The following ERBB4 variants were observed in gnomAD, a reference collection of about 807,000 sequenced individuals.
ERBB4 encodes the protein erb-b2 receptor tyrosine kinase 4.
ERBB4 carries 42 observed loss-of-function variants against 158.0 expected under a neutral mutation model. The observed-to-expected ratio is 0.27, with a 90% CI of 0.21 to 0.34. The LOEUF (loss-of-function observed/expected upper bound fraction) is 0.34. Among genes scored for constraint, ERBB4 ranks in the 10% least tolerant of loss-of-function variants. ERBB4 has a pLI of 1.00. For missense variants in ERBB4, 1,333 were observed against 1,624.1 expected (o/e 0.82, Z 3.08); for synonymous variants, 583 against 558.7 (o/e 1.04, Z -0.61).
chr2:211,981,542 C>G (rs929037226), intron 2 of ERBB4, among the ~76,000 whole-genome samples: 3 of 152,194 alleles, frequency 2.0e-5, no homozygotes, highest in African/African-American at 7.2e-5. Context: ...TGCTATGCTG[C>G]AATGACACTG....
intron 3 of ERBB4, among the ~76,000 whole-genome samples, chr2:211,909,645 C>T (rs2079490604): frequency 1.3e-5 from 2 of 151,614 alleles, no homozygotes; most frequent in African/African-American, 2.4e-5. Flanking sequence ...GCACTTACCA[C>T]GAATGGAGTT....
chr2:211,379,940 G>C lies in ERBB4; in HGVS notation c.*3675C>G, dbSNP rs1300652035. On this transcript the variant is annotated 3_prime_UTR_variant, in exon 28 of 28. Coordinates refer to ENST00000342788, the MANE Select transcript of ERBB4 (RefSeq NM_005235.3). Reference sequence around the variant, plus strand: ...TCATCTAGTAGCAGAGCCTCACACAGTCCTTTTCTTGATTTTTCCTTAGCA... The same window carrying C: ...TCATCTAGTAGCAGAGCCTCACACACTCCTTTTCTTGATTTTTCCTTAGCA... 8.6e-6 allele frequency: 2 copies of C among 231,850 alleles called. No homozygotes were observed. Among genetic ancestry groups the C allele is most frequent in the African/African-American group, 4.4e-5 (2 of 45,186 alleles). The allele number at this position is 231,850 out of a possible 1,614,324, so 14.4% of individuals were successfully genotyped here.
chr2:211,776,552 C>G (rs932532240), intron 4 of ERBB4, among the ~76,000 whole-genome samples: 2 of 152,122 alleles, frequency 1.3e-5, no homozygotes, highest in Non-Finnish European at 2.9e-5. Flanking sequence ...AGGACAAAAC[C>G]TATCTGTTTA....
chr2:212,475,936 C>A (rs1309391803), intron 1 of ERBB4, among the ~76,000 whole-genome samples: 1 of 152,056 alleles, frequency 6.6e-6, no homozygotes. Context: ...GACTCTCTTG[C>A]CTTCCCCCAG....
chr2:212,184,969 C>T (rs1044374785), intron 1 of ERBB4, among the ~76,000 whole-genome samples: 1 of 151,866 alleles, frequency 6.6e-6, no homozygotes, highest in African/African-American at 2.4e-5. Context: ...CACATATACA[C>T]ACCACGCATA....
chr2:212,426,190 G>A (rs139001450), intron 1 of ERBB4: 2 of 464,492 alleles, frequency 4.3e-6, no homozygotes, highest in South Asian at 3.3e-5. Flanking sequence ...TTTATAGAAG[G>A]CTCCAAGCAA....
At position 212,267,598 on chromosome 2, in the gene ERBB4, T is replaced by TTTTTTTTTC. The variant is rs1553607807; in HGVS notation, c.83-142696_83-142695insGAAAAAAAA. Among the ~76,000 whole-genome samples the TTTTTTTTTC allele has an allele frequency of 4.0e-3, 544 of 134,744 alleles. 2 individuals carry two copies. The highest frequency in any genetic ancestry group is 0.023 in the Middle Eastern group (6 of 266). 88.4% of individuals were successfully genotyped at this position (134,744 alleles called of 152,430 possible). The stretch of plus-strand genomic sequence containing the variant: ...CCCTAAAAATCATAGTTCTCATTTC[T>TTTTTTTTTC]TTTTTTTTTTTTTATTATACTTTAA... On this transcript the variant is annotated intron_variant, in intron 1 of 27. Transcript: ENST00000342788.
chr2:212,269,103 T>C (rs1438855523), intron 1 of ERBB4, among the ~76,000 whole-genome samples: 1 of 151,852 alleles, frequency 6.6e-6, no homozygotes, highest in Non-Finnish European at 1.5e-5. Flanking sequence ...AAATGGGTAC[T>C]TGAAAGAGAG....
intron 2 of ERBB4, among the ~76,000 whole-genome samples, chr2:212,116,003 G>T (rs76359318): frequency 0.045 from 6,864 of 151,902 alleles, 215 homozygotes; most frequent in Middle Eastern, 0.13. Context: ...GCAATTAGGG[G>T]CTAAAAAAAC....
chr2:212,471,284 C>T (rs1424659880), intron 1 of ERBB4, among the ~76,000 whole-genome samples: 2 of 151,922 alleles, frequency 1.3e-5, no homozygotes, highest in Non-Finnish European at 2.9e-5. Context: ...TAGTATTGTG[C>T]TCATTGTCTA....
intron 2 of ERBB4, among the ~76,000 whole-genome samples, chr2:212,079,610 G>A (rs976738162): frequency 6.6e-6 from 1 of 152,014 alleles, no homozygotes; most frequent in African/African-American, 2.4e-5. Flanking sequence ...AGGAGATCAT[G>A]AACAAATTTA....
chr2:211,859,970 A>G (rs1575263648), intron 3 of ERBB4, among the ~76,000 whole-genome samples: 1 of 152,292 alleles, frequency 6.6e-6, no homozygotes, highest in South Asian at 2.1e-4. Flanking sequence ...AAACAAAGAA[A>G]AATTGTTAAT....
chr2:211,816,540 C>CAAAAAAAAAA (rs34323414), intron 3 of ERBB4, among the ~76,000 whole-genome samples: 1 of 65,888 alleles, frequency 1.5e-5, no homozygotes, highest in Non-Finnish European at 2.9e-5. Context: ...GAGCCCGTCT[C>CAAAAAAAAAA]AAAAAAAAAA....
intron 20 of ERBB4, among the ~76,000 whole-genome samples, chr2:211,483,572 G>A (rs2065135623): frequency 6.8e-6 from 1 of 146,494 alleles, no homozygotes; most frequent in East Asian, 2.2e-4. Flanking sequence ...TTTTTTTTGA[G>A]ACAGAGTCTC....
At chr2:212,061,518 G>GCCATATT (rs2077767356) in intron 2 of ERBB4, among the ~76,000 whole-genome samples, 1 of 125,474 alleles carries the variant, frequency 8.0e-6, no homozygotes, top group African/African-American at 3.1e-5. Flanking sequence ...TTTCCATTAA[G>GCCATATT]CCATATTCTA....
intron 20 of ERBB4, among the ~76,000 whole-genome samples, chr2:211,522,962 T>C (rs2066228806): frequency 6.6e-6 from 1 of 151,638 alleles, no homozygotes; most frequent in Non-Finnish European, 1.5e-5. Context: ...GAGGTACACC[T>C]ATACTTGGTA....
At chr2:211,435,605 T>C (rs1374755209) in intron 20 of ERBB4, among the ~76,000 whole-genome samples, 1 of 152,140 alleles carries the variant, frequency 6.6e-6, no homozygotes, top group Non-Finnish European at 1.5e-5. Context: ...TCCTGTCAGA[T>C]TAGCGGCGGC....
chr2:212,005,425 T>C (rs1472416686), intron 2 of ERBB4, among the ~76,000 whole-genome samples: 1 of 152,024 alleles, frequency 6.6e-6, no homozygotes, highest in Non-Finnish European at 1.5e-5. Context: ...AAAATCCACA[T>C]GGTCAAAGAA....
chr2:212,157,091 C>G (rs1439201273), intron 1 of ERBB4, among the ~76,000 whole-genome samples: 4 of 152,016 alleles, frequency 2.6e-5, no homozygotes, highest in African/African-American at 9.7e-5. Context: ...GACTACATAC[C>G]ATACTTCTTA....
Sources: gnomAD v4.1 joint callset for allele counts (sites outside exome capture counted in the v4.1 genomes callset) on GRCh38, gnomAD v4.1.1 for gene constraint, MANE v1.5 for transcripts, NCBI Gene and HGNC (gene_info 2026-07-23, HGNC 2026-07-21) for gene names.